The following MTMR7 variants were observed in gnomAD, a reference collection of about 807,000 sequenced individuals.
The protein encoded by MTMR7 is myotubularin related protein 7, also known as phosphatidylinositol-3-phosphate phosphatase MTMR7.
In MTMR7, 76 loss-of-function variants were observed where a neutral mutation model predicts 81.2. That is an observed-to-expected ratio of 0.94 (90% confidence interval 0.78 to 1.13). The LOEUF is 1.13. Ranked by LOEUF, MTMR7 falls within the 50% of genes most tolerant of loss-of-function variation. The pLI is 0.00. For synonymous variants in MTMR7, 372 were observed against 289.8 expected (o/e 1.28, Z -2.88); for missense variants, 1,044 against 820.0 (o/e 1.27, Z -3.34).
At chr8:17,352,337 T>C (rs571152517) in intron 4 of MTMR7, among the ~76,000 whole-genome samples, 1 of 152,266 alleles carries the variant, frequency 6.6e-6, no homozygotes, top group African/African-American at 2.4e-5. Flanking sequence ...GACTACTCAA[T>C]GGGGTAAGAT....
intron 11 of MTMR7, 44 bp from the exon 12 acceptor site, chr8:17,304,563 T>TTTA: frequency 6.3e-7 from 1 of 1,584,414 alleles, no homozygotes. Flanking sequence ...ATTTTGGTGC[T>TTTA]TACACACAGT....
intron 1 of MTMR7, among the ~76,000 whole-genome samples, chr8:17,382,258 T>C (rs953489080): frequency 4.6e-5 from 7 of 152,194 alleles, no homozygotes; most frequent in African/African-American, 1.4e-4. Context: ...AGGACTGTGA[T>C]AAGCATCCCA....
At chr8:17,300,472 G>A (rs545317091) in intron 13 of MTMR7, among the ~76,000 whole-genome samples, 4 of 152,244 alleles carry the variant, frequency 2.6e-5, no homozygotes, top group African/African-American at 9.6e-5. Flanking sequence ...ATATAGCACA[G>A]TTGAAGCACC....
At chr8:17,305,162 T>G (rs1282452883) in intron 11 of MTMR7, among the ~76,000 whole-genome samples, 1 of 152,218 alleles carries the variant, frequency 6.6e-6, no homozygotes, top group Non-Finnish European at 1.5e-5. Flanking sequence ...GTCCATTTCA[T>G]TTGAACTGAT....
At chr8:17,403,300 T>C (rs1330130890) in intron 1 of MTMR7, among the ~76,000 whole-genome samples, 1 of 152,168 alleles carries the variant, frequency 6.6e-6, no homozygotes, top group East Asian at 1.9e-4. Context: ...CATATGGATA[T>C]CCAGTTTTCT....
intron 7 of MTMR7, among the ~76,000 whole-genome samples, chr8:17,320,910 A>C (rs571627950): frequency 4.6e-5 from 7 of 152,328 alleles, no homozygotes; most frequent in African/African-American, 1.4e-4. Context: ...TGTTCAACTT[A>C]ATCCTAAAAT....
At chr8:17,356,504 G>A (rs1229748278) in intron 4 of MTMR7, among the ~76,000 whole-genome samples, 2 of 152,006 alleles carry the variant, frequency 1.3e-5, no homozygotes, top group Admixed American at 6.6e-5. Flanking sequence ...TTCAAGACCA[G>A]CCTGGCCAAC....
At chr8:17,365,567 A>G (rs989180992) in intron 3 of MTMR7, among the ~76,000 whole-genome samples, 9 of 152,168 alleles carry the variant, frequency 5.9e-5, no homozygotes, top group Non-Finnish European at 1.3e-4. Flanking sequence ...TTTTGCTGTT[A>G]GTGACCAGCA....
At chr8:17,347,024 T>A (rs1014343015) in intron 5 of MTMR7, among the ~76,000 whole-genome samples, 1 of 151,198 alleles carries the variant, frequency 6.6e-6, no homozygotes, top group African/African-American at 2.4e-5. Context: ...GCTTTCCTCG[T>A]CTCTACAAAA....
rs763467455 is a variant in MTMR7, at chr8:17,302,236, G to A, written c.1538C>T (p.Pro513Leu). ...TAGGTAATCTGTAACTGACTGTCGG[G>A]GCTGCATCCCCTTTTCAAAGCGGTT... The part of the protein sequence containing the change: ...MYNRFEKGMQ[P>L]RQSVTDYLMA... Residue 513 changes from proline (P) to leucine (L), a missense_variant, in exon 13 of 14, where the codon CCC (proline) becomes CTC (leucine). Physicochemically the swap from Pro to Leu is moderately conservative, Grantham distance 98. Transcript: ENST00000180173. 1.2e-5 allele frequency: 19 copies of A among 1,613,950 alleles called. No individual in the cohort carries two copies. Among genetic ancestry groups the A allele is most frequent in the South Asian group, 3.3e-5 (3 of 91,066 alleles).
intron 6 of MTMR7, among the ~76,000 whole-genome samples, chr8:17,340,337 T>A (rs1355169975): frequency 6.6e-6 from 1 of 152,244 alleles, no homozygotes; most frequent in African/African-American, 2.4e-5. Context: ...CTGCTTACCA[T>A]ACAAGGAGAC....
At chr8:17,317,578 A>C (rs926191398) in intron 7 of MTMR7, among the ~76,000 whole-genome samples, 9 of 152,140 alleles carry the variant, frequency 5.9e-5, no homozygotes, top group Admixed American at 3.3e-4. Flanking sequence ...CTTTCCAGAA[A>C]GTGTATCACC....
chr8:17,386,372 T>C (rs55834509), intron 1 of MTMR7, among the ~76,000 whole-genome samples: 7,737 of 152,272 alleles, frequency 0.051, 248 homozygotes, highest in Non-Finnish European at 0.07. Context: ...AGTGAGACCT[T>C]GTCTCAAAAA....
chr8:17,311,750 C>T, intron 8 of MTMR7, 114 bp from the exon 9 acceptor site: 1 of 1,507,490 alleles, frequency 6.6e-7, no homozygotes, highest in East Asian at 2.3e-5. Context: ...CAAAACGAAA[C>T]ACCTGTCCAT....
intron 5 of MTMR7, among the ~76,000 whole-genome samples, chr8:17,347,760 G>A (rs1002871233): frequency 3.3e-5 from 5 of 152,178 alleles, no homozygotes; most frequent in Non-Finnish European, 7.3e-5. Flanking sequence ...GGAACTCTAA[G>A]TTTTAGCTAT....
chr8:17,313,516 G>T (rs1817901682), intron 7 of MTMR7, 115 bp from the exon 8 acceptor site: 6 of 621,454 alleles, frequency 9.7e-6, no homozygotes, highest in African/African-American at 1.8e-5. Flanking sequence ...GTATTTTCTG[G>T]AAGCAAGCCT....
chr8:17,318,902 A>G (rs137897183), intron 7 of MTMR7, among the ~76,000 whole-genome samples: 25 of 152,294 alleles, frequency 1.6e-4, no homozygotes, highest in Admixed American at 3.3e-4. Flanking sequence ...ACCCAGCCCT[A>G]CACCCTCACA....
chr8:17,322,948 A>ATTTTTTT (rs1419579227), intron 7 of MTMR7, among the ~76,000 whole-genome samples: 1 of 94,966 alleles, frequency 1.1e-5, no homozygotes, highest in African/African-American at 5.1e-5. Context: ...GGATTGAATT[A>ATTTTTTT]TCTTTTTTTT....
chr8:17,301,765 A>G (rs1778616973), intron 13 of MTMR7: 2 of 219,856 alleles, frequency 9.1e-6, no homozygotes, highest in South Asian at 2.7e-4. Context: ...ATTATAGATT[A>G]ATATCATAGT....
Sources: gnomAD v4.1 joint callset for allele counts (sites outside exome capture counted in the v4.1 genomes callset) on GRCh38, gnomAD v4.1.1 for gene constraint, MANE v1.5 for transcripts, NCBI Gene and HGNC (gene_info 2026-07-23, HGNC 2026-07-21) for gene names.